Variants in LUZP2 observed in about 807,000 individuals in gnomAD.
LUZP2 encodes the protein leucine zipper protein 2.
In LUZP2, 52 loss-of-function variants were observed where a neutral mutation model predicts 51.6. The observed-to-expected ratio is 1.01, with a 90% CI of 0.81 to 1.27. The LOEUF (loss-of-function observed/expected upper bound fraction) is 1.27. Among genes scored for constraint, LUZP2 ranks in the 50% most tolerant of loss-of-function variants. The pLI, the probability that LUZP2 is intolerant of heterozygous loss-of-function variation, is 0.00. For missense variants in LUZP2, 436 were observed against 395.4 expected, an observed-to-expected ratio of 1.10 and a Z score of -0.87; for synonymous variants, 154 against 137.3, an observed-to-expected ratio of 1.12 and a Z score of -0.85.
chr11:25,036,182 C>A (rs1169325256), intron 9 of LUZP2, among the ~76,000 whole-genome samples: 2 of 151,974 alleles, frequency 1.3e-5, no homozygotes, highest in African/African-American at 2.4e-5. Context: ...GTTTCAATAT[C>A]TTTCTGATTA....
chr11:24,976,276 A>G (rs968519187), intron 7 of LUZP2, among the ~76,000 whole-genome samples: 8 of 151,976 alleles, frequency 5.3e-5, no homozygotes, highest in Admixed American at 5.3e-4. Context: ...AACTAGAAAT[A>G]TAAGTGATGG....
intron 10 of LUZP2, among the ~76,000 whole-genome samples, chr11:25,064,328 TTATG>T (rs1858933919): frequency 6.6e-6 from 1 of 152,098 alleles, no homozygotes; most frequent in African/African-American, 2.4e-5. Context: ...GTATATTAAA[TTATG>T]TATCTACTGC....
chr11:24,618,229 T>C (rs1356096511), intron 1 of LUZP2, among the ~76,000 whole-genome samples: 5 of 152,298 alleles, frequency 3.3e-5, no homozygotes, highest in Middle Eastern at 3.4e-3. Context: ...CAGCCAAGAA[T>C]AGGAAAAATG....
At chr11:25,044,064 CTATATATATCTGATAAGACTA>C (rs1858183011) in intron 9 of LUZP2, among the ~76,000 whole-genome samples, 1 of 1,116 alleles carries the variant, frequency 9.0e-4, no homozygotes, top group African/African-American at 1.9e-3. Context: ...TATATAGAGT[CTATATATATCTGATAAGACTA>C]TATATATATC....
intron 1 of LUZP2, among the ~76,000 whole-genome samples, chr11:24,705,455 T>A (rs189286756): frequency 1.8e-4 from 28 of 152,332 alleles, no homozygotes; most frequent in Non-Finnish European, 2.9e-4. Flanking sequence ...TGTTCTAAGA[T>A]GTGAGAATGG....
At chr11:24,572,708 T>C (rs1333374251) in intron 1 of LUZP2, among the ~76,000 whole-genome samples, 1 of 152,058 alleles carries the variant, frequency 6.6e-6, no homozygotes, top group African/African-American at 2.4e-5. Context: ...TTTTGGATTA[T>C]AATATCCTCA....
chr11:24,857,859 C>CAG (rs1331385313), intron 5 of LUZP2, among the ~76,000 whole-genome samples: 6 of 152,064 alleles, frequency 3.9e-5, no homozygotes, highest in African/African-American at 1.4e-4. Flanking sequence ...TCCATGTAAC[C>CAG]TTGCTTAGAT....
intron 1 of LUZP2, among the ~76,000 whole-genome samples, chr11:24,613,068 ATCT>A (rs1854172961): frequency 6.6e-6 from 1 of 152,112 alleles, no homozygotes; most frequent in African/African-American, 2.4e-5. Flanking sequence ...TAGAGAGAAG[ATCT>A]TCTTCAGTAG....
At chr11:24,618,247 A>G (rs1417366084) in intron 1 of LUZP2, among the ~76,000 whole-genome samples, 1 of 152,230 alleles carries the variant, frequency 6.6e-6, no homozygotes, top group East Asian at 1.9e-4. Context: ...ATGTTTCATT[A>G]CTGCTGGATA....
intron 5 of LUZP2, among the ~76,000 whole-genome samples, chr11:24,831,366 T>C (rs531650127): frequency 6.6e-6 from 1 of 152,324 alleles, no homozygotes; most frequent in Admixed American, 6.5e-5. Context: ...ATGTAGTCAC[T>C]TCTGTAGGAC....
intron 1 of LUZP2, among the ~76,000 whole-genome samples, chr11:24,676,463 C>A (rs1856554686): frequency 6.6e-6 from 1 of 151,994 alleles, no homozygotes; most frequent in Non-Finnish European, 1.5e-5. Context: ...TTAACACTAT[C>A]ATTAAAGTGT....
At chr11:24,614,856 T>G (rs1478720626) in intron 1 of LUZP2, among the ~76,000 whole-genome samples, 4 of 151,992 alleles carry the variant, frequency 2.6e-5, no homozygotes. Flanking sequence ...TTCTTTATAA[T>G]TTCTATCTCA....
intron 1 of LUZP2, among the ~76,000 whole-genome samples, chr11:24,679,379 A>T (rs1856664358): frequency 6.6e-6 from 1 of 152,148 alleles, no homozygotes; most frequent in South Asian, 2.1e-4. Context: ...AGATATGAAA[A>T]TGTAAAAATT....
At chr11:24,914,716 T>C (rs1309890185) in intron 7 of LUZP2, among the ~76,000 whole-genome samples, 178 bp downstream of exon 7, 1 of 152,180 alleles carries the variant, frequency 6.6e-6, no homozygotes, top group Non-Finnish European at 1.5e-5. Context: ...AGTGGAAGTA[T>C]TATTTCCTAC....
intron 1 of LUZP2, among the ~76,000 whole-genome samples, chr11:24,570,129 G>A (rs1479450358): frequency 6.6e-6 from 1 of 151,922 alleles, no homozygotes; most frequent in Non-Finnish European, 1.5e-5. Flanking sequence ...AAGCATATCA[G>A]CTAAGGAAAA....
At chr11:25,010,993 C>CCT (rs1856968863) in intron 9 of LUZP2, among the ~76,000 whole-genome samples, 1 of 152,100 alleles carries the variant, frequency 6.6e-6, no homozygotes, top group Admixed American at 6.6e-5. Flanking sequence ...ATCAATTGAG[C>CCT]GTATCTTTCC....
intron 1 of LUZP2, among the ~76,000 whole-genome samples, chr11:24,676,713 G>GGGT (rs1856564899): frequency 6.6e-6 from 1 of 151,852 alleles, no homozygotes; most frequent in Non-Finnish European, 1.5e-5. Context: ...ACCCAGGCTG[G>GGGT]AGTGCAGTGG....
chr11:24,638,826 A>C (rs1391696687), intron 1 of LUZP2, among the ~76,000 whole-genome samples: 1 of 151,772 alleles, frequency 6.6e-6, no homozygotes, highest in Non-Finnish European at 1.5e-5. Context: ...AGGGATGAGA[A>C]TGGAAAATGA....
In LUZP2 at chr11:24,499,832, T is replaced by G. The variant is rs1590106148; in HGVS notation, c.62+2527T>G. 2.0e-5 allele frequency among the ~76,000 whole-genome samples: 3 copies of G among 152,276 alleles called. No individual in the cohort carries two copies. The South Asian group carries it at 6.2e-4, about 32-fold the overall frequency. On this transcript the variant is annotated intron_variant, in intron 1 of 11. Transcript: ENST00000336930. ...GTGCATTGCCTTAATACTTTGCTAT[T>G]TTATTTCCAATAGGTCTGAAGTTCA...
Sources: allele counts gnomAD v4.1 joint callset (sites outside exome capture counted in the v4.1 genomes callset), GRCh38; gene constraint gnomAD v4.1.1; transcripts MANE v1.5; gene names NCBI Gene and HGNC (gene_info 2026-07-23, HGNC 2026-07-21).